Variants in LIPJ observed in about 807,000 individuals in gnomAD.
LIPJ encodes the protein lipase member J.
A neutral mutation model predicts 39.8 loss-of-function variants in LIPJ; 33 were observed. That is an observed-to-expected ratio of 0.83 (90% CI 0.63 to 1.11). LIPJ has a LOEUF of 1.11. Among genes scored for constraint, LIPJ ranks in the 50% least tolerant of loss-of-function variants. The probability of loss-of-function intolerance (pLI) is 0.00; values close to 1 mark genes in which losing one functional copy is unlikely to be tolerated. For synonymous variants in LIPJ, 128 were observed against 139.2 expected, an observed-to-expected ratio of 0.92 and a Z score of 0.57; for missense variants, 422 against 427.9, an observed-to-expected ratio of 0.99 and a Z score of 0.12.
the LIPJ span, among the ~76,000 whole-genome samples, chr10:88,613,541 C>T: frequency 9.9e-5 from 15 of 151,616 alleles, no homozygotes; most frequent in Non-Finnish European, 2.9e-5. Context: ...GCAATGGAAT[C>T]TCACTTAGCA....
intron 3 of LIPJ, among the ~76,000 whole-genome samples, chr10:88,591,144 GTTTA>G (rs1177603342): frequency 1.3e-5 from 2 of 151,496 alleles, no homozygotes; most frequent in Non-Finnish European, 3.0e-5. Context: ...TTGTTTGTTT[GTTTA>G]TTTATTTTAT....
intron 8 of LIPJ, among the ~76,000 whole-genome samples, chr10:88,597,845 G>A (rs1190254796): frequency 2.0e-5 from 3 of 151,828 alleles, no homozygotes. Context: ...GAGGGGCCTG[G>A]AAGAATCATA....
intron 2 of LIPJ, among the ~76,000 whole-genome samples, chr10:88,590,201 A>G (rs1384728422): frequency 2.0e-5 from 3 of 151,822 alleles, no homozygotes; most frequent in Admixed American, 6.6e-5. Context: ...TAAAAAAACA[A>G]TTAAATATAT....
At chr10:88,589,144 T>G (rs1851003084) in intron 2 of LIPJ, among the ~76,000 whole-genome samples, 1 of 151,906 alleles carries the variant, frequency 6.6e-6, no homozygotes, top group African/African-American at 2.4e-5. Context: ...TCCTTCTAGA[T>G]ATAATGCAAA....
chr10:88,592,257 T>C (rs957974325), intron 4 of LIPJ: 4 of 151,878 alleles, frequency 2.6e-5, no homozygotes, highest in African/African-American at 9.7e-5. Flanking sequence ...TTTTGCATAT[T>C]TATAAAGGTT....
chr10:88,599,197 CAAAT>C (rs1032779389), intron 8 of LIPJ, among the ~76,000 whole-genome samples: 18 of 151,430 alleles, frequency 1.2e-4, no homozygotes, highest in Admixed American at 1.2e-3. Flanking sequence ...GTACAATTGA[CAAAT>C]AAATACATTG....
chr10:88,614,793 A>G, the LIPJ span, among the ~76,000 whole-genome samples: 1 of 152,296 alleles, frequency 6.6e-6, no homozygotes, highest in African/African-American at 2.4e-5. Context: ...AATATCAAGA[A>G]TTATAAAATT....
intron 8 of LIPJ, among the ~76,000 whole-genome samples, chr10:88,597,646 T>G (rs953243784): frequency 6.6e-6 from 1 of 151,894 alleles, no homozygotes; most frequent in Non-Finnish European, 1.5e-5. Flanking sequence ...CCCAAACACA[T>G]TTTTATGCCA....
the LIPJ span, among the ~76,000 whole-genome samples, chr10:88,619,517 G>T: frequency 6.7e-6 from 1 of 149,686 alleles, no homozygotes; most frequent in African/African-American, 2.5e-5. Context: ...CCTAAGAATT[G>T]GTTATGGCTT....
the LIPJ span, among the ~76,000 whole-genome samples, chr10:88,616,913 G>A: frequency 6.6e-6 from 1 of 152,172 alleles, no homozygotes. Flanking sequence ...GCCCTGCTGG[G>A]CTGGTGCTCA....
At chr10:88,590,624 C>T (rs1851046717) in exon 3 of LIPJ, 2 of 1,323,754 alleles carry the variant, frequency 1.5e-6, no homozygotes, top group Admixed American at 3.4e-5. Context: ...TGTATTTTAT[C>T]CGAATTCTTG....
At chr10:88,619,365 A>G in the LIPJ span, among the ~76,000 whole-genome samples, 1 of 151,998 alleles carries the variant, frequency 6.6e-6, no homozygotes, top group Non-Finnish European at 1.5e-5. Flanking sequence ...ATTCATACAT[A>G]TAAAAGTTTT....
chr10:88,594,778 T>C lies in LIPJ; in HGVS notation c.439+2T>C, dbSNP rs1383349363. The C allele has an allele frequency of 3.0e-6, 4 of 1,351,030 alleles. No individual in the cohort carries two copies. The South Asian group carries it at 6.0e-5, about 20-fold the overall frequency. The allele number at this position is 1,351,030 out of a possible 1,614,324, so 83.7% of individuals were successfully genotyped here. A position where few individuals can be genotyped will look rare whatever the true frequency, so the allele number is the denominator to read the frequency against. The stretch of plus-strand genomic sequence containing the variant: ...GCCATTCACAGGGTACTACTATTGG[T>C]ATGCCAAGAAAGATTATTGCTAATA... On this transcript the variant is annotated splice_donor_variant, in intron 6 of 10. Transcript: ENST00000371939. LOFTEE classifies it high-confidence loss of function.
At position 88,594,655 on chromosome 10, in the gene LIPJ, T is replaced by C. The variant is rs1387250844; in HGVS notation, c.330-12T>C. 1.5e-6 allele frequency: 2 copies of C among 1,365,326 alleles called. No individual in the cohort carries two copies. The highest frequency in any genetic ancestry group is 2.9e-5 in the South Asian group (2 of 69,664). 84.6% of individuals were successfully genotyped at this position (1,365,326 alleles called of 1,614,324 possible). On this transcript the variant is annotated splice_polypyrimidine_tract_variant and intron_variant, in intron 5 of 10. Coordinates refer to ENST00000371939, the Ensembl canonical transcript of LIPJ. ...AGAAAGTGCTATTTTTATTTTCCTC[T>C]TTCTTTTGTAGTTTTGATGAGATGG...
chr10:88,590,096 G>T (rs1851030818), intron 2 of LIPJ, among the ~76,000 whole-genome samples: 1 of 151,578 alleles, frequency 6.6e-6, no homozygotes, highest in Admixed American at 6.6e-5. Context: ...GAATTTAGGA[G>T]ACTCAAAAAT....
rs189795704 is a variant in LIPJ at position 88,599,127 on chromosome 10, C to T, written c.723+2191C>T. Among the ~76,000 whole-genome samples the T allele has an allele frequency of 3.0e-3, 450 of 151,024 alleles. 2 individuals are homozygous for T. The highest frequency in any genetic ancestry group is 5.8e-3 in the Non-Finnish European group (391 of 67,626). On this transcript the variant is annotated intron_variant, in intron 8 of 10. Transcript: ENST00000371939. ...TGTTCAGTCAGAACTTTATTTTTGA[C>T]AGTTTCAAGTAGCCTGAATGGCAAT... is the stretch of plus-strand genomic sequence containing the variant.
At position 88,602,550 on chromosome 10, in the gene LIPJ, CTTTTTTT is replaced by C; in HGVS notation, c.724-16_724-10del. 8.6e-6 allele frequency: 9 copies of C among 1,041,614 alleles called. No homozygotes were observed. The highest frequency in any genetic ancestry group is 9.4e-6 in the Non-Finnish European group (7 of 743,974). The allele number at this position is 1,041,614 out of a possible 1,614,324, so 64.5% of individuals were successfully genotyped here. A position where few individuals can be genotyped will look rare whatever the true frequency, so the allele number is the denominator to read the frequency against. On this transcript the variant is annotated intron_variant, in intron 8 of 10. Transcript: ENST00000371939. ...CTATGATTCAACTTATATAAAAATG[CTTTTTTT>C]TTTTTTTTTACCCCTCAGAGTCGTT...
intron 8 of LIPJ, 82 bp downstream of exon 8, chr10:88,597,018 G>T (rs1851281356): frequency 1.3e-6 from 1 of 772,366 alleles, no homozygotes; most frequent in African/African-American, 1.8e-5. Flanking sequence ...GTTATACCTT[G>T]TGTCATTTTG....
At chr10:88,613,603 A>T in the LIPJ span, among the ~76,000 whole-genome samples, 3 of 151,768 alleles carry the variant, frequency 2.0e-5, no homozygotes, top group East Asian at 5.8e-4. Context: ...AATCTCTAAG[A>T]TTCCATTTAT....
Sources: allele counts gnomAD v4.1 joint callset (sites outside exome capture counted in the v4.1 genomes callset), GRCh38; gene constraint gnomAD v4.1.1; transcripts MANE v1.5; gene names NCBI Gene and HGNC (gene_info 2026-07-23, HGNC 2026-07-21).